EXOSC9: variants seen among roughly 807,000 people sequenced by gnomAD.
The protein encoded by EXOSC9 is exosome component 9.
A neutral mutation model predicts 56.5 loss-of-function variants in EXOSC9; 38 were observed. The observed-to-expected ratio is 0.67, with a 90% confidence interval of 0.52 to 0.88. EXOSC9 has a LOEUF of 0.88. EXOSC9 is among the 40% of genes least tolerant of loss of function. The pLI, the probability that EXOSC9 is intolerant of heterozygous loss-of-function variation, is 0.00. For synonymous variants in EXOSC9, 170 were observed against 170.8 expected, an observed-to-expected ratio of 0.99 and a Z score of 0.04; for missense variants, 559 against 530.5, an observed-to-expected ratio of 1.05 and a Z score of -0.53.
chr4:121,811,042 T>G (rs1055890479), intron 7 of EXOSC9, among the ~76,000 whole-genome samples: 1 of 151,974 alleles, frequency 6.6e-6, no homozygotes, highest in African/African-American at 2.4e-5. Flanking sequence ...ATTAAAAGCT[T>G]CTTTAGTTTG....
Position 121,816,134 on chromosome 4 carries a change from T to C in EXOSC9, c.1157-235T>C, listed in dbSNP as rs1324174659. ...CCACGCCTGGCTAATTTTTCTATTA[T>C]TTTTAATAGAGCTGGGGTTTCACCA... On this transcript the variant is annotated intron_variant, in intron 10 of 11. Coordinates refer to ENST00000243498, the MANE Select transcript of EXOSC9 (RefSeq NM_005033.3). The C allele has an allele frequency of 2.8e-5, 18 of 642,406 alleles. No homozygotes were observed. The highest frequency in any genetic ancestry group is 4.6e-5 in the Non-Finnish European group (17 of 372,602). The allele number at this position is 642,406 out of a possible 1,614,324, so 39.8% of individuals were successfully genotyped here. A position where few individuals can be genotyped will look rare whatever the true frequency, so the allele number is the denominator to read the frequency against.
At chr4:121,806,296 G>T (rs1468564931) in intron 5 of EXOSC9, among the ~76,000 whole-genome samples, 1 of 152,092 alleles carries the variant, frequency 6.6e-6, no homozygotes, top group Non-Finnish European at 1.5e-5. Flanking sequence ...GGGATTGCAG[G>T]CATGTGCAAC....
chr4:121,801,734 C>T, intron 1 of EXOSC9, 93 bp from the exon 2 acceptor site: 1 of 1,094,678 alleles, frequency 9.1e-7, no homozygotes, highest in Non-Finnish European at 1.4e-6. Context: ...ATTCCACTTT[C>T]CCCCAAGTGC....
At chr4:121,805,262 G>A (rs963335654) in intron 5 of EXOSC9, among the ~76,000 whole-genome samples, 1 of 152,172 alleles carries the variant, frequency 6.6e-6, no homozygotes, top group Non-Finnish European at 1.5e-5. Flanking sequence ...AGTAAAACAG[G>A]GCTAGGACTT....
chr4:121,808,045 G>A (rs766427915), intron 6 of EXOSC9, among the ~76,000 whole-genome samples: 21 of 152,248 alleles, frequency 1.4e-4, no homozygotes, highest in Non-Finnish European at 2.1e-4. Flanking sequence ...TACAAGGGGG[G>A]ATGGTTCACA....
At chr4:121,811,070 CA>C (rs1727197252) in intron 7 of EXOSC9, among the ~76,000 whole-genome samples, 1 of 152,128 alleles carries the variant, frequency 6.6e-6, no homozygotes, top group Admixed American at 6.6e-5. Flanking sequence ...GTTCTGCCCC[CA>C]TACTAGCTGA....
intron 10 of EXOSC9, chr4:121,815,294 A>T: frequency 6.6e-6 from 6 of 907,784 alleles, no homozygotes; most frequent in Non-Finnish European, 6.6e-6. Flanking sequence ...AGTTGTTTCC[A>T]TTTTCTCACT....
chr4:121,809,643 A>T (rs1727147522), intron 6 of EXOSC9, among the ~76,000 whole-genome samples: 1 of 152,232 alleles, frequency 6.6e-6, no homozygotes, highest in Non-Finnish European at 1.5e-5. Context: ...CCAATTTAAC[A>T]TTATCTAAGT....
Position 121,802,931 on chromosome 4 carries a change from G to T in EXOSC9, c.298G>T (p.Val100Leu). 1 of 1,613,944 alleles carries T rather than the reference G, an allele frequency of 6.2e-7. No homozygotes were observed. The highest frequency in any genetic ancestry group is 8.5e-7 in the Non-Finnish European group (1 of 1,179,852). Reference sequence around the variant, plus strand: ...TCCTTATAGGCAGTCAGATCTCTTGGTGAAGTTGAATCGACTCATGGAAAG... The same window carrying T: ...TCCTTATAGGCAGTCAGATCTCTTGTTGAAGTTGAATCGACTCATGGAAAG... ...FEPGRQSDLLVKLNRLMERCL... is the reference protein window; with the variant it reads ...FEPGRQSDLLLKLNRLMERCL... The change falls in exon 4 of 12, where the codon GTG (valine) becomes TTG (leucine). Residue 100 changes from valine (V) to leucine (L), a missense_variant. Coordinates refer to ENST00000243498, the MANE Select transcript of EXOSC9 (RefSeq NM_005033.3).
At chr4:121,815,485 AAAT>A in intron 10 of EXOSC9, 1 of 985,176 alleles carries the variant, frequency 1.0e-6, no homozygotes, top group Non-Finnish European at 1.2e-6. Flanking sequence ...CTAAAAATAC[AAAT>A]AATTGATATG....
rs948248607 is a variant in EXOSC9 at position 121,814,063 on chromosome 4, T to G, written c.1156+16T>G. 1.4e-6 allele frequency: 2 copies of G among 1,478,536 alleles called. No individual in the cohort carries two copies. The highest frequency in any genetic ancestry group is 9.0e-7 in the Non-Finnish European group (1 of 1,109,252). The allele number at this position is 1,478,536 out of a possible 1,614,324, so 91.6% of individuals were successfully genotyped here. ...GGAAGCCAAGGTAGGTGACACTTTA[T>G]GGCACACTTACTATATATTACATAC... On this transcript the variant is annotated intron_variant, in intron 10 of 11. Coordinates refer to ENST00000243498, the MANE Select transcript of EXOSC9 (RefSeq NM_005033.3).
chr4:121,803,830 G>A (rs1373070065), intron 4 of EXOSC9, among the ~76,000 whole-genome samples: 1 of 152,070 alleles, frequency 6.6e-6, no homozygotes, highest in Non-Finnish European at 1.5e-5. Flanking sequence ...TACTGTGCCT[G>A]GCCAGAATTT....
rs1446270331 is a variant in EXOSC9, at chr4:121,804,477, T to C, written c.385-145T>C. 6.0e-6 allele frequency: 3 copies of C among 497,936 alleles called. No homozygotes were observed. The East Asian group carries it at 9.3e-5, about 15-fold the overall frequency. The allele number at this position is 497,936 out of a possible 1,614,324, so 30.8% of individuals were successfully genotyped here. On this transcript the variant is annotated intron_variant, in intron 4 of 11. Coordinates refer to ENST00000243498, the MANE Select transcript of EXOSC9 (RefSeq NM_005033.3). ...GATGTTTGGCTTAAATTTTCTAAAA[T>C]ATATTTTTTGTTGACAAAGTACAAG...
intron 7 of EXOSC9, among the ~76,000 whole-genome samples, chr4:121,811,190 C>T (rs1578504108): frequency 6.6e-6 from 1 of 151,994 alleles, no homozygotes; most frequent in East Asian, 2.0e-4. Context: ...ATATATTGCA[C>T]AGTGTCTAGC....
intron 1 of EXOSC9, 109 bp downstream of exon 1, chr4:121,801,599 G>A: frequency 9.7e-7 from 1 of 1,031,838 alleles, no homozygotes; most frequent in Non-Finnish European, 1.5e-6. Context: ...GGAACGACCG[G>A]CACGTTCACC....
At chr4:121,809,717 T>C (rs950297099) in intron 6 of EXOSC9, 2 of 503,094 alleles carry the variant, frequency 4.0e-6, no homozygotes, top group African/African-American at 3.9e-5. Context: ...TTATATATCA[T>C]TTAAGTAAAT....
intron 10 of EXOSC9, chr4:121,814,687 T>G (rs1724419166): frequency 6.6e-6 from 1 of 152,184 alleles, no homozygotes; most frequent in Non-Finnish European, 1.5e-5. Flanking sequence ...ATTTTAAATT[T>G]TACTTAATAC....
chr4:121,816,892 A>G lies in EXOSC9; in HGVS notation c.*36A>G, dbSNP rs1490039971. On this transcript the variant is annotated 3_prime_UTR_variant, in exon 12 of 12. Coordinates refer to ENST00000243498, the MANE Select transcript of EXOSC9 (RefSeq NM_005033.3). ...TGTATATCTGTATATATAACTATTA[A>G]AAGGGATATTTATTCCATTCTGAGA... 1 of 1,485,996 alleles carries G rather than the reference A, an allele frequency of 6.7e-7. No individual in the cohort carries two copies. Among genetic ancestry groups the G allele is most frequent in the Non-Finnish European group, 9.0e-7 (1 of 1,108,990 alleles). 92.1% of individuals were successfully genotyped at this position (1,485,996 alleles called of 1,614,324 possible). A position where few individuals can be genotyped will look rare whatever the true frequency, so the allele number is the denominator to read the frequency against.
intron 9 of EXOSC9, 55 bp from the exon 10 acceptor site, chr4:121,813,811 C>T: frequency 2.3e-6 from 3 of 1,284,760 alleles, no homozygotes; most frequent in South Asian, 2.6e-5. Flanking sequence ...TTCTCATCTT[C>T]AACAGTTCAT....
Sources: gnomAD v4.1 joint callset for allele counts (sites outside exome capture counted in the v4.1 genomes callset) on GRCh38, gnomAD v4.1.1 for gene constraint, MANE v1.5 for transcripts, NCBI Gene and HGNC (gene_info 2026-07-23, HGNC 2026-07-21) for gene names.